SPON1: variants seen among roughly 807,000 people sequenced by gnomAD.
SPON1 encodes the protein spondin 1, also known as spondin-1.
Under a neutral mutation model 111.7 loss-of-function variants are expected in SPON1, and 52 were observed. The observed-to-expected ratio is 0.47, with a 90% CI of 0.37 to 0.59. The LOEUF (loss-of-function observed/expected upper bound fraction) is 0.59, where lower values mean the gene tolerates loss of function less well. SPON1 is among the 20% of genes least tolerant of loss of function. The pLI, the probability that SPON1 is intolerant of heterozygous loss-of-function variation, is 0.00. For missense variants in SPON1, 957 were observed against 1,068.5 expected (o/e 0.90, Z 1.46); for synonymous variants, 410 against 395.8 (o/e 1.04, Z -0.43).
At position 14,080,023 on chromosome 11, in the gene SPON1, T is replaced by A. The variant is rs1402142395; in HGVS notation, c.676+2T>A. 1 of 1,613,858 alleles carries A rather than the reference T, an allele frequency of 6.2e-7. No individual in the cohort carries two copies. The highest frequency in any genetic ancestry group is 8.5e-7 in the Non-Finnish European group (1 of 1,179,880). The stretch of plus-strand genomic sequence containing the variant: ...AGACACACCCAAAGGATTACCCTCG[T>A]GAGTAGAGTGGCTACTCTGTGGTTT... On this transcript the variant is annotated splice_donor_variant, in intron 5 of 15. Transcript: ENST00000576479. LOFTEE classifies it high-confidence loss of function.
chr11:14,053,695 C>T lies in SPON1; in HGVS notation c.479+12041C>T, dbSNP rs531872862. On this transcript the variant is annotated intron_variant, in intron 3 of 15. Transcript: ENST00000576479. ...CATGTTGCCTCACACCTAAGTCCCACACCATCCATAGGAAGGACAGTAATG... is the reference window on the plus strand; with the variant it reads ...CATGTTGCCTCACACCTAAGTCCCATACCATCCATAGGAAGGACAGTAATG... 2.0e-5 allele frequency among the ~76,000 whole-genome samples: 3 copies of T among 152,314 alleles called. No homozygotes were observed. In the East Asian group the frequency reaches 5.8e-4, roughly 29 times the overall value.
chr11:14,240,589 T>TTG (rs56265194), intron 6 of SPON1, among the ~76,000 whole-genome samples: 13,551 of 140,156 alleles, frequency 0.097, 732 homozygotes, highest in African/African-American at 0.16. Context: ...AGAAGCAATA[T>TTG]TGTGTGTGTG....
chr11:14,192,906 G>A (rs1378471079), intron 6 of SPON1, among the ~76,000 whole-genome samples: 1 of 152,148 alleles, frequency 6.6e-6, no homozygotes, highest in Non-Finnish European at 1.5e-5. Context: ...CATTCAAATG[G>A]ACATTTCTAG....
chr11:13,970,449 T>A (rs1208024305), intron 1 of SPON1, among the ~76,000 whole-genome samples: 1 of 152,228 alleles, frequency 6.6e-6, no homozygotes, highest in African/African-American at 2.4e-5. Context: ...TGCCAATATG[T>A]CTCATGGACT....
At position 14,133,756 on chromosome 11, in the gene SPON1, C is replaced by T. The variant is rs559359745; in HGVS notation, c.677-1664C>T. On this transcript the variant is annotated intron_variant, in intron 5 of 15. Coordinates refer to ENST00000576479, the MANE Select transcript of SPON1 (RefSeq NM_006108.4). The stretch of plus-strand genomic sequence containing the variant: ...TCACCCAGGAAATGAGTTAGAGAAA[C>T]GGCTGGCAGCATCTCTATCTGTCTA... Among the ~76,000 whole-genome samples, 26 of 152,266 alleles carry T rather than the reference C, an allele frequency of 1.7e-4. 1 individual carries two copies. The East Asian group carries it at 2.5e-3, about 15-fold the overall frequency.
chr11:14,003,944 C>T (rs184659081), intron 2 of SPON1, among the ~76,000 whole-genome samples: 20 of 152,084 alleles, frequency 1.3e-4, no homozygotes, highest in Non-Finnish European at 2.8e-4. Flanking sequence ...CCTTCTCTAC[C>T]CCCTTTGATA....
In SPON1 at chr11:14,194,528, T is replaced by TCACACA. The variant is rs372569370; in HGVS notation, c.826-48770_826-48765dup. Among the ~76,000 whole-genome samples the TCACACA allele has an allele frequency of 7.6e-4, 81 of 106,890 alleles. 1 individual carries two copies. Among genetic ancestry groups the TCACACA allele is most frequent in the East Asian group, 2.7e-3 (10 of 3,746 alleles). 70.1% of individuals were successfully genotyped at this position (106,890 alleles called of 152,430 possible). On this transcript the variant is annotated intron_variant, in intron 6 of 15. Coordinates refer to ENST00000576479, the MANE Select transcript of SPON1 (RefSeq NM_006108.4). ...GAACTAATGGGAATCTAGGCCTACTTCACACACACACACACACACACACAC... is the reference window on the plus strand; with the variant it reads ...GAACTAATGGGAATCTAGGCCTACTTCACACACACACACACACACACACACACACAC...
At chr11:14,231,943 AT>A (rs1451122494) in intron 6 of SPON1, among the ~76,000 whole-genome samples, 5 of 98,158 alleles carry the variant, frequency 5.1e-5, no homozygotes, top group African/African-American at 1.6e-4. Flanking sequence ...TTATAGGGTC[AT>A]TCTTTTTGTT....
At chr11:14,226,194 G>C (rs901725722) in intron 6 of SPON1, among the ~76,000 whole-genome samples, 1 of 152,180 alleles carries the variant, frequency 6.6e-6, no homozygotes, top group Non-Finnish European at 1.5e-5. Context: ...GAAGTAGAGA[G>C]AGAGGATTCA....
At chr11:14,000,610 T>G (rs1179506925) in intron 2 of SPON1, among the ~76,000 whole-genome samples, 1 of 152,174 alleles carries the variant, frequency 6.6e-6, no homozygotes, top group African/African-American at 2.4e-5. Flanking sequence ...GAAATGACAC[T>G]GACTTATGGT....
At chr11:14,141,551 C>T (rs1847656539) in intron 6 of SPON1, among the ~76,000 whole-genome samples, 1 of 152,174 alleles carries the variant, frequency 6.6e-6, no homozygotes, top group South Asian at 2.1e-4. Flanking sequence ...ATTTCACCTT[C>T]AGGAGACCTT....
rs1591356071 is a variant in SPON1 at position 14,030,234 on chromosome 11, TG to T, written c.346-11286del. On this transcript the variant is annotated intron_variant, in intron 2 of 15. Coordinates refer to ENST00000576479, the MANE Select transcript of SPON1 (RefSeq NM_006108.4). ...GGCAAATATTTAGAGAATATCGTTT[TG>T]AAAGGGGGCCAGGTTATTAGCCTGC... 2.0e-5 allele frequency among the ~76,000 whole-genome samples: 3 copies of T among 152,336 alleles called. No homozygotes were observed. In the East Asian group the frequency reaches 5.8e-4, roughly 29 times the overall value.
chr11:14,093,840 A>T (rs1436964396), intron 5 of SPON1, among the ~76,000 whole-genome samples: 1 of 152,170 alleles, frequency 6.6e-6, no homozygotes, highest in Non-Finnish European at 1.5e-5. Context: ...AGCTTATTCT[A>T]AGCAACTTAT....
At chr11:14,241,463 G>C (rs1407876807) in intron 6 of SPON1, among the ~76,000 whole-genome samples, 5 of 152,190 alleles carry the variant, frequency 3.3e-5, no homozygotes, top group African/African-American at 1.2e-4. Flanking sequence ...GGTGGCCAGA[G>C]GGGAGACTGT....
intron 1 of SPON1, among the ~76,000 whole-genome samples, chr11:13,976,739 G>GAGTGAATCCAAGGATTGAAA: frequency 6.6e-6 from 1 of 152,296 alleles, no homozygotes; most frequent in East Asian, 1.9e-4. Context: ...AAATGATAGA[G>GAGTGAATCCAAGGATTGAAA]TGTGGTGAAT....
At chr11:14,031,602 A>C (rs189621236) in intron 2 of SPON1, among the ~76,000 whole-genome samples, 2 of 152,244 alleles carry the variant, frequency 1.3e-5, no homozygotes, top group Non-Finnish European at 2.9e-5. Context: ...CAAATTTTAA[A>C]GAATACATGG....
intron 6 of SPON1, among the ~76,000 whole-genome samples, chr11:14,194,454 C>T (rs1848379337): frequency 6.6e-6 from 1 of 151,950 alleles, no homozygotes; most frequent in African/African-American, 2.4e-5. Context: ...AGTGGTGAAA[C>T]ATCCACAGAA....
chr11:14,204,786 G>T (rs917533049), intron 6 of SPON1, among the ~76,000 whole-genome samples: 6 of 151,946 alleles, frequency 3.9e-5, no homozygotes, highest in African/African-American at 1.5e-4. Context: ...CCGGGTTCAC[G>T]CCATTCTCCT....
At chr11:14,178,875 C>T (rs951384632) in intron 6 of SPON1, among the ~76,000 whole-genome samples, 29 of 152,196 alleles carry the variant, frequency 1.9e-4, no homozygotes, top group African/African-American at 6.5e-4. Context: ...GCAGCAGACA[C>T]CTTGAGATAC....
Sources: allele counts gnomAD v4.1 joint callset (sites outside exome capture counted in the v4.1 genomes callset), GRCh38; gene constraint gnomAD v4.1.1; transcripts MANE v1.5; gene names NCBI Gene and HGNC (gene_info 2026-07-23, HGNC 2026-07-21).